RP1: variants seen among roughly 807,000 people sequenced by gnomAD.
The protein encoded by RP1 is oxygen-regulated protein 1.
RP1 carries 16 observed loss-of-function variants against 14.8 expected under a neutral mutation model. That is an observed-to-expected ratio of 1.08 (90% CI 0.73 to 1.65). The LOEUF is 1.65. RP1 is among the 40% of genes most tolerant of loss of function. The pLI is 0.00. For missense variants in RP1, 2,631 were observed against 2,535.0 expected (o/e 1.04, Z -0.81); for synonymous variants, 876 against 883.6 (o/e 0.99, Z 0.15).
At chr8:54,865,759 G>T in intron 27 of RP1, 2 of 478,754 alleles carry the variant, frequency 4.2e-6, no homozygotes, top group South Asian at 2.2e-4. Flanking sequence ...ACATTTGGAG[G>T]ACCTATGAAT....
At chr8:54,743,372 G>A (rs1052321016) in intron 19 of RP1, among the ~76,000 whole-genome samples, 2 of 152,220 alleles carry the variant, frequency 1.3e-5, no homozygotes, top group African/African-American at 2.4e-5. Context: ...ATCCATTGAT[G>A]ATTTTTGCCT....
At chr8:54,657,547 T>G (rs533008253) in intron 6 of RP1, among the ~76,000 whole-genome samples, 11 of 152,326 alleles carry the variant, frequency 7.2e-5, no homozygotes, top group African/African-American at 2.4e-4. Context: ...TATTTTTATC[T>G]AATATTCTAG....
intron 24 of RP1, among the ~76,000 whole-genome samples, chr8:54,833,982 A>G (rs1335859316): frequency 1.3e-5 from 2 of 152,116 alleles, no homozygotes; most frequent in African/African-American, 4.8e-5. Flanking sequence ...TTTATTTAAC[A>G]TATGTTTAAA....
chr8:54,686,735 T>C (rs1352928977), intron 12 of RP1, among the ~76,000 whole-genome samples: 5 of 152,180 alleles, frequency 3.3e-5, no homozygotes, highest in African/African-American at 1.2e-4. Context: ...GAACCCTTGA[T>C]GGCTACTTTT....
chr8:54,831,756 T>C (rs1239413049), intron 24 of RP1, among the ~76,000 whole-genome samples: 1 of 151,870 alleles, frequency 6.6e-6, no homozygotes, highest in Non-Finnish European at 1.5e-5. Flanking sequence ...GCTCCTCCTT[T>C]TTTGCTATAC....
At chr8:54,817,557 G>A (rs937001730) in intron 24 of RP1, among the ~76,000 whole-genome samples, 7 of 152,142 alleles carry the variant, frequency 4.6e-5, no homozygotes, top group Non-Finnish European at 8.8e-5. Flanking sequence ...TAATGGTGGC[G>A]AGTGTTTGAA....
intron 12 of RP1, among the ~76,000 whole-genome samples, chr8:54,682,754 T>G (rs187823179): frequency 1.3e-3 from 200 of 152,322 alleles, no homozygotes; most frequent in Non-Finnish European, 1.9e-3. Context: ...AGGCTTTCTG[T>G]TCACGCTGAT....
intron 27 of RP1, among the ~76,000 whole-genome samples, chr8:54,860,200 A>T (rs115909250): frequency 0.02 from 3,079 of 152,318 alleles, 91 homozygotes; most frequent in African/African-American, 0.067. Flanking sequence ...ACATGTTTAC[A>T]TGGCTAATTT....
chr8:54,664,659 T>G (rs1247579047), intron 7 of RP1, among the ~76,000 whole-genome samples: 1 of 152,204 alleles, frequency 6.6e-6, no homozygotes, highest in South Asian at 2.1e-4. Flanking sequence ...ATCTTTCATA[T>G]GCTTATTGGC....
chr8:54,679,638 G>A (rs1396288582), intron 11 of RP1: 1 of 1,535,778 alleles, frequency 6.5e-7, no homozygotes, highest in East Asian at 2.4e-5. Flanking sequence ...GTAAGATTTT[G>A]TTTGGGCTTT....
chr8:54,862,175 G>A lies in RP1; in HGVS notation c.4070-3660G>A, dbSNP rs934283526. On this transcript the variant is annotated intron_variant, in intron 27 of 28. Coordinates refer to the RP1 transcript ENST00000637698. The stretch of plus-strand genomic sequence containing the variant: ...AAACCTCAGGTTCTAAGGTAAATCC[G>A]TAGAAGTCAGTTGCTAGGTAGGTCA... Among the ~76,000 whole-genome samples, 17 of 152,158 alleles carry A rather than the reference G, an allele frequency of 1.1e-4. 1 individual carries two copies. The highest frequency in any genetic ancestry group is 3.6e-4 in the African/African-American group (15 of 41,430).
intron 4 of RP1, among the ~76,000 whole-genome samples, chr8:54,652,513 A>C (rs1806675041): frequency 6.6e-6 from 1 of 151,850 alleles, no homozygotes; most frequent in Non-Finnish European, 1.5e-5. Flanking sequence ...CTATTTTCTT[A>C]TTCTTTTCTC....
chr8:54,759,099 T>C, intron 22 of RP1: 1 of 1,525,968 alleles, frequency 6.6e-7, no homozygotes, highest in Non-Finnish European at 8.8e-7. Context: ...TCCAAGATAC[T>C]TCAAAAGAGT....
rs3049538 is a variant in RP1 at position 54,681,482 on chromosome 8, T to TTGTGTG, written c.1717+1585_1717+1590dup. ...ATATTTTCTATTTTTATTTTTTGATTTGTGTGTGTGTGTGTGTGTGTGTGT... is the reference window on the plus strand; with the variant it reads ...ATATTTTCTATTTTTATTTTTTGATTTGTGTGTGTGTGTGTGTGTGTGTGTGTGTGT... On this transcript the variant is annotated intron_variant, in intron 12 of 22. Coordinates refer to the RP1 transcript ENST00000636932. Among the ~76,000 whole-genome samples, 812 of 141,752 alleles carry TTGTGTG rather than the reference T, an allele frequency of 5.7e-3. 7 individuals carry two copies. The highest frequency in any genetic ancestry group is 0.048 in the East Asian group (234 of 4,886). The allele number at this position is 141,752 out of a possible 152,430, so 93.0% of individuals were successfully genotyped here.
At chr8:54,632,921 C>T (rs985817733), downstream of RP1, among the ~76,000 whole-genome samples, 5 of 152,068 alleles carry the variant, frequency 3.3e-5, no homozygotes, top group African/African-American at 1.2e-4. Context: ...TGTAGCCTCC[C>T]TTACTCAGGG....
At chr8:54,667,690 A>G (rs141717936) in intron 7 of RP1, among the ~76,000 whole-genome samples, 3 of 152,178 alleles carry the variant, frequency 2.0e-5, no homozygotes, top group African/African-American at 7.2e-5. Flanking sequence ...TTCTCTCAAA[A>G]TGAATTGTTG....
chr8:54,837,566 G>A (rs1221616205), exon 25 of RP1: 2 of 1,231,648 alleles, frequency 1.6e-6, no homozygotes, highest in African/African-American at 3.1e-5. Context: ...CCACATATGA[G>A]CTATTTTGTT....
chr8:54,740,074 T>A (rs1434450307), intron 19 of RP1, among the ~76,000 whole-genome samples: 2 of 148,616 alleles, frequency 1.3e-5, no homozygotes, highest in Non-Finnish European at 3.0e-5. Flanking sequence ...AAAATATATT[T>A]TATATATATA....
chr8:54,712,865 C>T (rs1217428232), intron 15 of RP1, among the ~76,000 whole-genome samples: 1 of 152,144 alleles, frequency 6.6e-6, no homozygotes, highest in Non-Finnish European at 1.5e-5. Context: ...TGACTAAGAA[C>T]CACTAGACTG....
Sources: gnomAD v4.1 joint callset for allele counts (sites outside exome capture counted in the v4.1 genomes callset) on GRCh38, gnomAD v4.1.1 for gene constraint, MANE v1.5 for transcripts, NCBI Gene and HGNC (gene_info 2026-07-23, HGNC 2026-07-21) for gene names.